The following FRMPD3 variants were observed in gnomAD, a reference collection of about 807,000 sequenced individuals.
FRMPD3 encodes FERM and PDZ domain-containing protein 3.
In FRMPD3, 42 loss-of-function variants were observed where a neutral mutation model predicts 97.9. The ratio of observed to expected loss-of-function variants is 0.43; its 90% CI spans 0.34 to 0.55. The LOEUF (loss-of-function observed/expected upper bound fraction) is 0.55, where lower values mean the gene tolerates loss of function less well. FRMPD3 is among the 20% of genes least tolerant of loss of function. The pLI is 0.03. For synonymous variants in FRMPD3, 577 were observed against 581.1 expected, an observed-to-expected ratio of 0.99 and a Z score of 0.10; for missense variants, 1,303 against 1,457.7, an observed-to-expected ratio of 0.89 and a Z score of 1.73.
intron 1 of FRMPD3, among the ~76,000 whole-genome samples, chrX:107,523,752 GA>G (rs1210668289): frequency 8.9e-6 from 1 of 112,347 alleles, no homozygotes; most frequent in Non-Finnish European, 1.9e-5. Flanking sequence ...TAATTAATAT[GA>G]GTCAAAAGAG....
In FRMPD3 at chrX:107,560,810, A is replaced by G. The variant is rs752122140; in HGVS notation, c.983A>G (p.Gln328Arg). The change falls in exon 10 of 15, where the codon CAG becomes CGG. Residue 328 changes from glutamine (Q) to arginine (R), a missense_variant. By Grantham distance (43) the Gln-to-Arg change is conservative (BLOSUM62 1). Coordinates refer to ENST00000683843, the MANE Select transcript of FRMPD3 (RefSeq NM_001388459.1). ...KEKNLRKSLS[Q>R]QLKAHQTHPS... ...AAGAACCTCCGGAAATCTCTCTCTC[A>G]GCAACTGAAGGCTCACCAAACACAT... 56 of 1,192,345 alleles carry G rather than the reference A, an allele frequency of 4.7e-5. No homozygotes were observed. In the Admixed American group the frequency reaches 1.2e-3, roughly 27 times the overall value.
chrX:107,533,508 C>T lies in FRMPD3; in HGVS notation c.255C>T (p.Ser85=), dbSNP rs781073498. The part of the protein sequence containing the change: ...PRERLIELIR[S]AKEFIVLTVL... Reference sequence around the variant, plus strand: ...CTATTCCCTCTTTTCTCTGTAGGAGCGCTAAGGAATTCATCGTTCTTACAG... The same window carrying T: ...CTATTCCCTCTTTTCTCTGTAGGAGTGCTAAGGAATTCATCGTTCTTACAG... Residue 85 remains serine, a synonymous_variant, in exon 4 of 15, where the codon AGC becomes AGT. Coordinates refer to ENST00000683843, the MANE Select transcript of FRMPD3 (RefSeq NM_001388459.1). 2.5e-6 allele frequency: 3 copies of T among 1,206,713 alleles called. No homozygotes were observed. The highest frequency in any genetic ancestry group is 3.4e-6 in the Non-Finnish European group (3 of 892,354).
At position 107,554,587 on chromosome X, in the gene FRMPD3, A is replaced by G. The variant is rs1388101950; in HGVS notation, c.762+83A>G. On this transcript the variant is annotated intron_variant, in intron 8 of 14. Transcript: ENST00000683843. Reference sequence around the variant, plus strand: ...GTTCTGCCATCACAATGAAATAGCTATGTAAGTTTTTCCAACCTCCAGGTA... The same window carrying G: ...GTTCTGCCATCACAATGAAATAGCTGTGTAAGTTTTTCCAACCTCCAGGTA... 6 of 1,114,220 alleles carry G rather than the reference A, an allele frequency of 5.4e-6. No individual in the cohort carries two copies. The East Asian group carries it at 9.8e-5, about 18-fold the overall frequency. The allele number at this position is 1,114,220 out of a possible 1,213,427, so 91.8% of individuals were successfully genotyped here.
At chrX:107,481,144 C>CTGTG (rs761701149) in intron 1 of FRMPD3, among the ~76,000 whole-genome samples, 6 of 111,760 alleles carry the variant, frequency 5.4e-5, no homozygotes, top group Admixed American at 1.9e-4. Flanking sequence ...AAGGACGGAC[C>CTGTG]TGTGACTCAG....
intron 1 of FRMPD3, among the ~76,000 whole-genome samples, chrX:107,490,155 C>T (rs1186634140): frequency 0.013 from 1,426 of 111,562 alleles, 15 homozygotes; most frequent in African/African-American, 0.017. Flanking sequence ...TGTAGATATG[C>T]GGCATTATTT....
At chrX:107,549,206 GCTACTACTAGA>G (rs2147578789) in intron 5 of FRMPD3, among the ~76,000 whole-genome samples, 1 of 110,170 alleles carries the variant, frequency 9.1e-6, no homozygotes, top group East Asian at 2.9e-4. Context: ...TGTAATCCCA[GCTACTACTAGA>G]GAGGCTGAGG....
chrX:107,602,754 G>A lies in FRMPD3; in HGVS notation c.4715G>A (p.Gly1572Glu). The change falls in exon 15 of 15, where the codon GGG (glycine) becomes GAG (glutamate). Residue 1572 changes from glycine to glutamate, a missense_variant. Around this residue, in one of 3 missense-constraint regions of FRMPD3, gnomAD observed 764 missense variants for 820.2 expected, o/e 0.93. Transcript: ENST00000683843. Reference sequence around the variant, plus strand: ...GACCTCCGTGTGTCCACCTTCGAGGGGAGCCTGGCCAAGATCAATGCCCTG... The same window carrying A: ...GACCTCCGTGTGTCCACCTTCGAGGAGAGCCTGGCCAAGATCAATGCCCTG... ...EIDLRVSTFE[G>E]SLAKINALRA... 2 of 1,209,928 alleles carry A rather than the reference G, an allele frequency of 1.7e-6. No individual in the cohort carries two copies. Among genetic ancestry groups the A allele is most frequent in the Non-Finnish European group, 2.2e-6 (2 of 895,151 alleles).
chrX:107,475,294 T>C (rs931754639), intron 1 of FRMPD3, among the ~76,000 whole-genome samples: 6 of 112,034 alleles, frequency 5.4e-5, no homozygotes, highest in African/African-American at 2.0e-4. Flanking sequence ...AAGTGTCTGC[T>C]CTGCTCTGTG....
intron 14 of FRMPD3, among the ~76,000 whole-genome samples, chrX:107,600,083 T>TATACATAGCATATATACATGTA (rs1924420135): frequency 2.7e-5 from 3 of 112,030 alleles, no homozygotes; most frequent in Admixed American, 9.5e-5. Context: ...GTGTGAGGTA[T>TATACATAGCATATATACATGTA]TATAAGTAAT....
intron 13 of FRMPD3, among the ~76,000 whole-genome samples, chrX:107,594,856 G>A (rs1003447428): frequency 3.6e-5 from 4 of 110,671 alleles, no homozygotes; most frequent in African/African-American, 1.3e-4. Flanking sequence ...ACTCCACCCT[G>A]GGCAATAAGA....
At chrX:107,488,918 T>C (rs1208050857) in intron 1 of FRMPD3, among the ~76,000 whole-genome samples, 2 of 108,365 alleles carry the variant, frequency 1.8e-5, no homozygotes, top group South Asian at 4.3e-4. Flanking sequence ...ATGTGCCATG[T>C]TGGTGTGCTG....
intron 1 of FRMPD3, among the ~76,000 whole-genome samples, chrX:107,480,047 A>C (rs923455551): frequency 6.3e-5 from 7 of 110,485 alleles, no homozygotes; most frequent in South Asian, 4.0e-4. Flanking sequence ...AAAAAAAAAA[A>C]AAAAACCATG....
At chrX:107,543,764 C>T (rs1414790428) in intron 4 of FRMPD3, among the ~76,000 whole-genome samples, 2 of 106,198 alleles carry the variant, frequency 1.9e-5, no homozygotes, top group East Asian at 2.9e-4. Flanking sequence ...TGCAGTGAGC[C>T]GAGATCGCAC....
chrX:107,482,909 A>C lies in FRMPD3; in HGVS notation c.-8+32904A>C, dbSNP rs186398114. The stretch of plus-strand genomic sequence containing the variant: ...AAAGTTGTTGATGGGCAGAAGGAAC[A>C]GGGCAGTTCTCAAAAAAACTCCCTC... On this transcript the variant is annotated intron_variant, in intron 1 of 14. Transcript: ENST00000683843. 6.4e-4 allele frequency among the ~76,000 whole-genome samples: 72 copies of C among 111,901 alleles called. No homozygotes were observed. The East Asian group carries it at 0.015, about 23-fold the overall frequency.
At position 107,601,916 on chromosome X, in the gene FRMPD3, C is replaced by G; in HGVS notation, c.3877C>G (p.Arg1293Gly). Reference protein sequence around the residue: ...SPVQQGPGMSREQRRSCDCKR... With the variant: ...SPVQQGPGMSGEQRRSCDCKR... ...TGTGCAGCAGGGGCCTGGCATGTCC[C>G]GTGAGCAGAGGCGCAGCTGTGACTG... Residue 1293 changes from arginine to glycine, a missense_variant, in exon 15 of 15, where the codon CGT becomes GGT. By Grantham distance (125) the Arg-to-Gly change is moderately radical (BLOSUM62 -2). Coordinates refer to ENST00000683843, the MANE Select transcript of FRMPD3 (RefSeq NM_001388459.1). 1.7e-6 allele frequency: 2 copies of G among 1,190,996 alleles called. No individual in the cohort carries two copies. Among genetic ancestry groups the G allele is most frequent in the Non-Finnish European group, 2.3e-6 (2 of 886,325 alleles).
chrX:107,580,076 C>T (rs1477006673), intron 13 of FRMPD3, among the ~76,000 whole-genome samples: 5 of 111,829 alleles, frequency 4.5e-5, no homozygotes, highest in African/African-American at 1.6e-4. Context: ...GGGCCAAGTA[C>T]TAGAATGCTG....
intron 1 of FRMPD3, among the ~76,000 whole-genome samples, chrX:107,450,434 C>T (rs1931262347): frequency 9.0e-6 from 1 of 111,168 alleles, no homozygotes; most frequent in Admixed American, 9.4e-5. Context: ...CTGCCAGAAA[C>T]AGCTGTCTGA....
At chrX:107,455,545 C>CA (rs1300046331) in intron 1 of FRMPD3, among the ~76,000 whole-genome samples, 1 of 111,327 alleles carries the variant, frequency 9.0e-6, no homozygotes, top group East Asian at 2.8e-4. Context: ...GCCTGGGTGA[C>CA]AGAGTGAGAC....
chrX:107,465,460 A>G (rs1447426115), intron 1 of FRMPD3, among the ~76,000 whole-genome samples: 8 of 111,536 alleles, frequency 7.2e-5, no homozygotes, highest in African/African-American at 2.6e-4. Flanking sequence ...ACAGAGTGAT[A>G]CAGTGTCTAA....
Sources: gnomAD v4.1 joint callset for allele counts (sites outside exome capture counted in the v4.1 genomes callset) on GRCh38, gnomAD v4.1.1 for gene constraint, gnomAD v4.1.1 regional missense constraint, MANE v1.5 for transcripts, NCBI Gene and HGNC (gene_info 2026-07-23, HGNC 2026-07-21) for gene names.